The following COL25A1 variants were observed in gnomAD, a reference collection of about 807,000 sequenced individuals.
COL25A1 encodes the protein collagen alpha-1(XXV) chain.
COL25A1 carries 103 observed loss-of-function variants against 128.4 expected under a neutral mutation model. The ratio of observed to expected loss-of-function variants is 0.80; its 90% CI spans 0.68 to 0.94. The LOEUF (loss-of-function observed/expected upper bound fraction) is 0.94, where lower values mean the gene tolerates loss of function less well. COL25A1 is among the 40% of genes least tolerant of loss of function. COL25A1 has a pLI of 0.00. For synonymous variants in COL25A1, 279 were observed against 277.2 expected (o/e 1.01, Z -0.06); for missense variants, 745 against 840.0 (o/e 0.89, Z 1.40).
At chr4:108,982,824 G>A (rs1364588760) in intron 6 of COL25A1, among the ~76,000 whole-genome samples, 2 of 152,070 alleles carry the variant, frequency 1.3e-5, no homozygotes, top group South Asian at 2.1e-4. Flanking sequence ...TAACTATAAG[G>A]TTTTTTGTGA....
At chr4:108,827,814 T>A (rs1357535605) in intron 32 of COL25A1, among the ~76,000 whole-genome samples, 2 of 152,064 alleles carry the variant, frequency 1.3e-5, no homozygotes, top group Non-Finnish European at 2.9e-5. Context: ...AACTACAGTG[T>A]GTGGCCTGAA....
chr4:109,275,947 T>G (rs1722793860), intron 3 of COL25A1, among the ~76,000 whole-genome samples: 1 of 152,176 alleles, frequency 6.6e-6, no homozygotes, highest in Admixed American at 6.5e-5. Flanking sequence ...TGCTTCTCAA[T>G]CCACTGGGCA....
chr4:109,002,764 CA>C (rs747271277), intron 6 of COL25A1, among the ~76,000 whole-genome samples: 29 of 148,100 alleles, frequency 2.0e-4, no homozygotes, highest in African/African-American at 3.4e-4. Flanking sequence ...AATATAGATA[CA>C]TTTTTTTTTT....
intron 31 of COL25A1, among the ~76,000 whole-genome samples, chr4:108,835,205 T>C (rs993715458): frequency 3.3e-5 from 5 of 152,240 alleles, no homozygotes; most frequent in Admixed American, 1.3e-4. Flanking sequence ...GATTAAACAA[T>C]GGCATTTTCA....
intron 3 of COL25A1, among the ~76,000 whole-genome samples, chr4:109,118,375 G>T (rs925168184): frequency 1.0e-5 from 1 of 99,498 alleles, no homozygotes; most frequent in Non-Finnish European, 1.7e-5. Context: ...CACAAAAAAA[G>T]ATAACACACG....
At chr4:109,031,640 T>C (rs1251382101) in intron 5 of COL25A1, among the ~76,000 whole-genome samples, 1 of 152,066 alleles carries the variant, frequency 6.6e-6, no homozygotes. Context: ...AGCTTTACTT[T>C]TACTCCATCA....
chr4:109,037,328 A>G (rs1330776695), intron 5 of COL25A1, among the ~76,000 whole-genome samples: 1 of 152,108 alleles, frequency 6.6e-6, no homozygotes, highest in Non-Finnish European at 1.5e-5. Context: ...TAGCTCTTCT[A>G]TCTCCACTCT....
intron 5 of COL25A1, among the ~76,000 whole-genome samples, chr4:109,019,373 CACATATATATAT>C (rs1449789916): frequency 3.1e-4 from 10 of 31,894 alleles, no homozygotes; most frequent in South Asian, 8.2e-4. Context: ...CACACACACA[CACATATATATAT>C]ATATATATAT....
intron 11 of COL25A1, among the ~76,000 whole-genome samples, chr4:108,927,456 C>G (rs1746205642): frequency 6.6e-6 from 1 of 150,676 alleles, no homozygotes; most frequent in African/African-American, 2.4e-5. Flanking sequence ...TATTTCAACA[C>G]TCATATTACC....
At chr4:109,176,108 C>T (rs971422138) in intron 3 of COL25A1, among the ~76,000 whole-genome samples, 1 of 152,172 alleles carries the variant, frequency 6.6e-6, no homozygotes, top group Non-Finnish European at 1.5e-5. Flanking sequence ...TATACAATCC[C>T]TGTCCTCAAG....
chr4:108,862,496 C>A lies in COL25A1; in HGVS notation c.1197+5G>T, dbSNP rs766893054. On this transcript the variant is annotated splice_donor_5th_base_variant and intron_variant, in intron 22 of 37. Transcript: ENST00000399132. ...TTATATTTAAATGGTTATCTGGTTACTGACCTTTGACCCCTTTGGGCCTCT... is the reference window on the plus strand; with the variant it reads ...TTATATTTAAATGGTTATCTGGTTAATGACCTTTGACCCCTTTGGGCCTCT... 2 of 1,607,622 alleles carry A rather than the reference C, an allele frequency of 1.2e-6. No homozygotes were observed. The highest frequency in any genetic ancestry group is 2.2e-5 in the South Asian group (2 of 90,918).
chr4:109,007,716 C>T (rs1366796725), intron 6 of COL25A1, among the ~76,000 whole-genome samples: 1 of 152,170 alleles, frequency 6.6e-6, no homozygotes, highest in Non-Finnish European at 1.5e-5. Flanking sequence ...AGCCTCCTTG[C>T]AAATTTTCAA....
intron 3 of COL25A1, among the ~76,000 whole-genome samples, chr4:109,123,036 G>T (rs936967463): frequency 1.1e-4 from 17 of 152,022 alleles, no homozygotes; most frequent in African/African-American, 4.1e-4. Flanking sequence ...TGTAACTATT[G>T]CGGACCCACA....
rs776941019 is a variant in COL25A1 at position 109,057,421 on chromosome 4, A to ATTTTTTTTTTTTTTTTTTTTTT, written c.368-7264_368-7243dup. ...TAGCTGGGACCACCATGCCTAGCTA[A>ATTTTTTTTTTTTTTTTTTTTTT]TTTTTTTTTTTTTTTTTTTTTTTTT... On this transcript the variant is annotated intron_variant, in intron 3 of 37. Transcript: ENST00000399132. Among the ~76,000 whole-genome samples, 12 of 20,238 alleles carry ATTTTTTTTTTTTTTTTTTTTTT rather than the reference A, an allele frequency of 5.9e-4. 2 individuals carry two copies. Among genetic ancestry groups the ATTTTTTTTTTTTTTTTTTTTTT allele is most frequent in the Admixed American group, 1.1e-3 (1 of 952 alleles). 13.3% of individuals were successfully genotyped at this position (20,238 alleles called of 152,430 possible). A position where few individuals can be genotyped will look rare whatever the true frequency, so the allele number is the denominator to read the frequency against.
chr4:109,285,867 G>GTT (rs1723837335), intron 3 of COL25A1, among the ~76,000 whole-genome samples: 1 of 142,518 alleles, frequency 7.0e-6, no homozygotes, highest in African/African-American at 3.0e-5. Context: ...TTTTTGTTTT[G>GTT]TTTTGTTTTT....
At chr4:109,284,132 A>G (rs1423515495) in intron 3 of COL25A1, among the ~76,000 whole-genome samples, 1 of 152,204 alleles carries the variant, frequency 6.6e-6, no homozygotes, top group African/African-American at 2.4e-5. Context: ...TTAACAATAA[A>G]AAGGAAATGG....
chr4:109,063,832 T>A (rs1762191858), intron 3 of COL25A1, among the ~76,000 whole-genome samples: 1 of 152,304 alleles, frequency 6.6e-6, no homozygotes, highest in Admixed American at 6.5e-5. Flanking sequence ...TAAGAAATTC[T>A]CCAATAAGTA....
intron 3 of COL25A1, among the ~76,000 whole-genome samples, chr4:109,135,024 C>CAAAA (rs574984369): frequency 2.0e-5 from 2 of 100,722 alleles, no homozygotes; most frequent in East Asian, 2.8e-4. Flanking sequence ...ACTTTTCTGT[C>CAAAA]AAAAAAAAAA....
Position 108,920,667 on chromosome 4 carries a change from T to G in COL25A1, c.709-63A>C, listed in dbSNP as rs375416965. 6.8e-5 allele frequency: 84 copies of G among 1,229,746 alleles called. 1 individual carries two copies. In the African/African-American group the frequency reaches 1.1e-3, roughly 16 times the overall value. The allele number at this position is 1,229,746 out of a possible 1,614,324, so 76.2% of individuals were successfully genotyped here. A position where few individuals can be genotyped will look rare whatever the true frequency, so the allele number is the denominator to read the frequency against. ...AGCCATTTAAGCTTAGATGACCAAT[T>G]TAAACTGTCCTATTCTCTAAGATTC... is the stretch of plus-strand genomic sequence containing the variant. On this transcript the variant is annotated intron_variant, in intron 11 of 37. Transcript: ENST00000399132.
Sources: allele counts gnomAD v4.1 joint callset (sites outside exome capture counted in the v4.1 genomes callset), GRCh38; gene constraint gnomAD v4.1.1; transcripts MANE v1.5; gene names NCBI Gene and HGNC (gene_info 2026-07-23, HGNC 2026-07-21).